DAZL: variants seen among roughly 807,000 people sequenced by gnomAD.
The protein encoded by DAZL is deleted in azoospermia like.
Under a neutral mutation model 45.0 loss-of-function variants are expected in DAZL, and 4 were observed. The ratio of observed to expected loss-of-function variants is 0.09; its 90% CI spans 0.04 to 0.20. The LOEUF is 0.20. Among genes scored for constraint, DAZL ranks in the 10% least tolerant of loss-of-function variants. The pLI is 1.00. For missense variants in DAZL, 326 were observed against 351.3 expected (o/e 0.93, Z 0.58); for synonymous variants, 122 against 112.4 (o/e 1.09, Z -0.54).
At position 16,592,186 on chromosome 3, in the gene DAZL, CT is replaced by C. The variant is rs762247474; in HGVS notation, c.736-39del. ...AGTTTTCAGTAATGTAAAGACGACT[CT>C]TTCACTCACTCTTAGTAAGGGTTTT... On this transcript the variant is annotated intron_variant, in intron 9 of 10. Transcript: ENST00000399444. The C allele has an allele frequency of 1.1e-5, 18 of 1,604,212 alleles. No individual in the cohort carries two copies. The Admixed American group carries it at 2.8e-4, about 25-fold the overall frequency.
At chr3:16,591,014 T>C (rs890948009) in intron 10 of DAZL, among the ~76,000 whole-genome samples, 7 of 152,206 alleles carry the variant, frequency 4.6e-5, no homozygotes, top group Non-Finnish European at 1.0e-4. Context: ...GTATTACTGG[T>C]ATCTCAATTA....
chr3:16,599,504 A>T (rs1694650934), intron 1 of DAZL, among the ~76,000 whole-genome samples: 1 of 152,208 alleles, frequency 6.6e-6, no homozygotes, highest in Non-Finnish European at 1.5e-5. Context: ...CCTTCTAAAA[A>T]AAGGATTATA....
At chr3:16,603,649 G>C (rs75633615) in intron 1 of DAZL, among the ~76,000 whole-genome samples, 2,316 of 152,174 alleles carry the variant, frequency 0.015, 126 homozygotes, top group East Asian at 0.11. Context: ...CCCAGCCCAT[G>C]ATAGTATTGT....
chr3:16,604,854 G>C (rs1390398767), intron 1 of DAZL: 5 of 744,036 alleles, frequency 6.7e-6, no homozygotes, highest in Non-Finnish European at 1.0e-5. Context: ...TGGGGCAGTC[G>C]GGGGTGGGGA....
At chr3:16,594,218 T>C (rs1367197045) in intron 8 of DAZL, among the ~76,000 whole-genome samples, 5 of 152,186 alleles carry the variant, frequency 3.3e-5, no homozygotes, top group Non-Finnish European at 7.4e-5. Flanking sequence ...TCTAGGCAGA[T>C]ACATGCTAAT....
chr3:16,589,052 G>A (rs1694480254), intron 10 of DAZL, among the ~76,000 whole-genome samples: 1 of 152,106 alleles, frequency 6.6e-6, no homozygotes, highest in Non-Finnish European at 1.5e-5. Context: ...GGTAGAAAAT[G>A]TAATTCTAAA....
At chr3:16,594,422 C>T in intron 8 of DAZL, 111 bp downstream of exon 8, 1 of 814,148 alleles carries the variant, frequency 1.2e-6, no homozygotes, top group Non-Finnish European at 1.9e-6. Flanking sequence ...ATACAAAAAA[C>T]TATTTAAAAA....
chr3:16,590,567 G>A (rs962937630), intron 10 of DAZL, among the ~76,000 whole-genome samples: 2 of 152,134 alleles, frequency 1.3e-5, no homozygotes, highest in Non-Finnish European at 2.9e-5. Flanking sequence ...ATATGTCCAC[G>A]TAATAACTTG....
rs777526866 is a variant in DAZL, at chr3:16,605,228, C to G, written c.-23G>C. 2 of 1,614,166 alleles carry G rather than the reference C, an allele frequency of 1.2e-6. No individual in the cohort carries two copies. Among genetic ancestry groups the G allele is most frequent in the South Asian group, 2.2e-5 (2 of 91,090 alleles). ...CATGATGGCGGCAGGCAGCAGTTCC[C>G]GACCGGCTCCAGGAGGAGCAGAGGC... On this transcript the variant is annotated 5_prime_UTR_variant, in exon 1 of 11. Coordinates refer to ENST00000399444, the MANE Select transcript of DAZL (RefSeq NM_001351.4).
intron 1 of DAZL, among the ~76,000 whole-genome samples, chr3:16,604,070 A>C (rs1694735819): frequency 6.6e-6 from 1 of 152,262 alleles, no homozygotes; most frequent in South Asian, 2.1e-4. Context: ...ATTACTTTTT[A>C]TTAGCATGGA....
chr3:16,588,528 G>C lies in DAZL; in HGVS notation c.*132C>G. On this transcript the variant is annotated 3_prime_UTR_variant, in exon 11 of 11. Transcript: ENST00000399444. Reference sequence around the variant, plus strand: ...GAACAGTTTAAGATAAAACTAGAGAGTCTAATAATACAACTTATACACAAA... The same window carrying C: ...GAACAGTTTAAGATAAAACTAGAGACTCTAATAATACAACTTATACACAAA... 1 of 752,080 alleles carries C rather than the reference G, an allele frequency of 1.3e-6. No individual in the cohort carries two copies. The highest frequency in any genetic ancestry group is 1.4e-5 in the South Asian group (1 of 71,162). 46.6% of individuals were successfully genotyped at this position (752,080 alleles called of 1,614,324 possible).
chr3:16,594,874 C>G (rs545991741), intron 7 of DAZL, among the ~76,000 whole-genome samples: 1 of 152,136 alleles, frequency 6.6e-6, no homozygotes, highest in African/African-American at 2.4e-5. Flanking sequence ...GTCACAGATA[C>G]AGTCATATCT....
rs116418695 is a variant in DAZL, at chr3:16,592,181, C to T, written c.736-33G>A. Reference sequence around the variant, plus strand: ...ACAGAAGTTTTCAGTAATGTAAAGACGACTCTTTCACTCACTCTTAGTAAG... The same window carrying T: ...ACAGAAGTTTTCAGTAATGTAAAGATGACTCTTTCACTCACTCTTAGTAAG... On this transcript the variant is annotated intron_variant, in intron 9 of 10. Transcript: ENST00000399444. 4,166 of 1,606,652 alleles carry T rather than the reference C, an allele frequency of 2.6e-3. 23 individuals carry two copies. Among genetic ancestry groups the T allele is most frequent in the South Asian group, 0.016 (1,441 of 90,826 alleles).
rs1435862963 is a variant in DAZL, at chr3:16,604,733, G to C, written c.3+470C>G. ...CTCAGCAGGCCCGCCGCCATCTTGCGGAGCCACGGGGAGAGCGCGCCAGAA... is the reference window on the plus strand; with the variant it reads ...CTCAGCAGGCCCGCCGCCATCTTGCCGAGCCACGGGGAGAGCGCGCCAGAA... On this transcript the variant is annotated intron_variant, in intron 1 of 10. Coordinates refer to ENST00000399444, the MANE Select transcript of DAZL (RefSeq NM_001351.4). 2.3e-5 allele frequency: 31 copies of C among 1,352,592 alleles called. No homozygotes were observed. The South Asian group carries it at 6.2e-4, about 27-fold the overall frequency. The allele number at this position is 1,352,592 out of a possible 1,614,324, so 83.8% of individuals were successfully genotyped here. A position where few individuals can be genotyped will look rare whatever the true frequency, so the allele number is the denominator to read the frequency against.
chr3:16,594,583 TC>T lies in DAZL; in HGVS notation c.571-1del. On this transcript the variant is annotated splice_acceptor_variant, in intron 7 of 10. Transcript: ENST00000399444. LOFTEE classifies it high-confidence loss of function. Reference sequence around the variant, plus strand: ...TCCCCAACAGGCCACTGTGGTGGCATCTTAAAAAAAAAAAAAAGGAAACCAA... The same window carrying T: ...TCCCCAACAGGCCACTGTGGTGGCATTTAAAAAAAAAAAAAAGGAAACCAA... 6.5e-7 allele frequency: 1 copy of T among 1,539,256 alleles called. No homozygotes were observed. The highest frequency in any genetic ancestry group is 8.7e-7 in the Non-Finnish European group (1 of 1,149,356).
intron 10 of DAZL, among the ~76,000 whole-genome samples, chr3:16,589,326 G>C (rs1325196042): frequency 6.6e-6 from 1 of 152,164 alleles, no homozygotes; most frequent in Non-Finnish European, 1.5e-5. Context: ...ATGGGACTAA[G>C]CAAATGAGTA....
chr3:16,594,651 A>G (rs2125045177), intron 7 of DAZL, 68 bp from the exon 8 acceptor site: 3 of 1,092,264 alleles, frequency 2.7e-6, no homozygotes, highest in Non-Finnish European at 4.0e-6. Flanking sequence ...AACACACGAG[A>G]TACACAATAT....
rs1412684019 is a variant in DAZL at position 16,605,385 on chromosome 3, C to T, written c.-180G>A. 5 of 744,916 alleles carry T rather than the reference C, an allele frequency of 6.7e-6. No individual in the cohort carries two copies. Among genetic ancestry groups the T allele is most frequent in the East Asian group, 2.7e-5 (1 of 37,472 alleles). The allele number at this position is 744,916 out of a possible 1,614,324, so 46.1% of individuals were successfully genotyped here. A position where few individuals can be genotyped will look rare whatever the true frequency, so the allele number is the denominator to read the frequency against. ...AGCGGGTGACAAGGCTGAGGAGCCC[C>T]GAAAGGCGGACCGTCAGGCTGAGGA... On this transcript the variant is annotated 5_prime_UTR_variant, in exon 1 of 11. Coordinates refer to ENST00000399444, the MANE Select transcript of DAZL (RefSeq NM_001351.4).
At chr3:16,594,915 G>A (rs1435317185) in intron 7 of DAZL, among the ~76,000 whole-genome samples, 3 of 152,088 alleles carry the variant, frequency 2.0e-5, no homozygotes, top group African/African-American at 7.2e-5. Context: ...CTACTATCAT[G>A]AAGCAGTCAG....
Sources: gnomAD v4.1 joint callset for allele counts (sites outside exome capture counted in the v4.1 genomes callset) on GRCh38, gnomAD v4.1.1 for gene constraint, MANE v1.5 for transcripts, NCBI Gene and HGNC (gene_info 2026-07-23, HGNC 2026-07-21) for gene names.